LHFPL3: variants seen among roughly 807,000 people sequenced by gnomAD.
LHFPL3 encodes the protein LHFPL tetraspan subfamily member 3 protein.
LHFPL3 carries 5 observed loss-of-function variants against 19.3 expected under a neutral mutation model. The observed-to-expected ratio is 0.26, with a 90% CI of 0.14 to 0.54. The LOEUF (loss-of-function observed/expected upper bound fraction) is 0.54. Ranked by LOEUF, LHFPL3 falls within the 20% of genes least tolerant of loss-of-function variation. LHFPL3 has a pLI of 0.94. For synonymous variants in LHFPL3, 133 were observed against 126.2 expected, an observed-to-expected ratio of 1.05 and a Z score of -0.36; for missense variants, 249 against 307.4, an observed-to-expected ratio of 0.81 and a Z score of 1.42.
At chr7:104,859,611 G>A (rs573753122) in intron 2 of LHFPL3, among the ~76,000 whole-genome samples, 15 of 152,244 alleles carry the variant, frequency 9.9e-5, no homozygotes, top group African/African-American at 3.6e-4. Flanking sequence ...GGAGGTTTCG[G>A]TGAGCTGAGA....
chr7:104,481,968 C>T lies in LHFPL3; in HGVS notation c.445+152744C>T, dbSNP rs143204494. ...ATGCATCTAATTCCCCCTTCCACTC[C>T]GTGAGTGTTGCCTGCTAATGGCTCT... On this transcript the variant is annotated intron_variant, in intron 1 of 2. Coordinates refer to ENST00000424859, the MANE Select transcript of LHFPL3 (RefSeq NM_199000.3). Among the ~76,000 whole-genome samples the T allele has an allele frequency of 1.2e-4, 19 of 152,316 alleles. No homozygotes were observed. In the East Asian group the frequency reaches 1.5e-3, roughly 12 times the overall value.
intron 1 of LHFPL3, among the ~76,000 whole-genome samples, chr7:104,501,774 T>A (rs1286590931): frequency 1.3e-5 from 2 of 152,186 alleles, no homozygotes; most frequent in South Asian, 4.1e-4. Flanking sequence ...GATTCCAATT[T>A]GAAATAGGGT....
chr7:104,395,243 A>T (rs1219354860), intron 1 of LHFPL3, among the ~76,000 whole-genome samples: 1 of 152,194 alleles, frequency 6.6e-6, no homozygotes, highest in Admixed American at 6.5e-5. Flanking sequence ...ACATGTAAAA[A>T]ATTAAATCTA....
intron 1 of LHFPL3, among the ~76,000 whole-genome samples, chr7:104,717,594 A>G (rs1394171484): frequency 6.6e-6 from 1 of 152,178 alleles, no homozygotes; most frequent in East Asian, 1.9e-4. Context: ...GCATTTTAAA[A>G]CTACAGTAAG....
chr7:104,820,300 A>G (rs10256308), intron 2 of LHFPL3, among the ~76,000 whole-genome samples: 26,451 of 152,162 alleles, frequency 0.17, 2,628 homozygotes, highest in East Asian at 0.46. Context: ...CCATGGCTCC[A>G]GATTAAAGTG....
chr7:104,350,755 T>C (rs1433992030), intron 1 of LHFPL3, among the ~76,000 whole-genome samples: 3 of 152,264 alleles, frequency 2.0e-5, no homozygotes, highest in Admixed American at 1.3e-4. Context: ...AAAAGGTCTC[T>C]TTGGCCGAGC....
intron 2 of LHFPL3, among the ~76,000 whole-genome samples, chr7:104,778,357 T>TATC (rs1353722776): frequency 6.6e-6 from 1 of 152,090 alleles, no homozygotes; most frequent in Non-Finnish European, 1.5e-5. Context: ...ATCAGTTGAC[T>TATC]ATCAGAATGG....
chr7:104,828,647 A>AGGAGTGGGGTGAAAACTCCTCCCATGCC (rs1452865717), intron 2 of LHFPL3, among the ~76,000 whole-genome samples: 1 of 152,000 alleles, frequency 6.6e-6, no homozygotes, highest in African/African-American at 2.4e-5. Flanking sequence ...CTTCAACCTC[A>AGGAGTGGGGTGAAAACTCCTCCCATGCC]GGAGTGGGGT....
Position 104,518,151 on chromosome 7 carries a change from T to C in LHFPL3, c.445+188927T>C, listed in dbSNP as rs80200170. Among the ~76,000 whole-genome samples, 623 of 152,304 alleles carry C rather than the reference T, an allele frequency of 4.1e-3. 13 individuals carry two copies. The highest frequency in any genetic ancestry group is 0.027 in the Admixed American group (407 of 15,290). ...AACCACTAGTAACACTAAACCACTT[T>C]GATAATTTATCAAAATTTATAATTT... On this transcript the variant is annotated intron_variant, in intron 1 of 2. Transcript: ENST00000424859.
chr7:104,414,551 CAATT>C (rs1791587073), intron 1 of LHFPL3, among the ~76,000 whole-genome samples: 2 of 152,152 alleles, frequency 1.3e-5, no homozygotes, highest in Non-Finnish European at 2.9e-5. Flanking sequence ...TTTGTGCAAT[CAATT>C]AGATTGTTCT....
chr7:104,664,214 G>T (rs1484978042), intron 1 of LHFPL3, among the ~76,000 whole-genome samples: 2 of 152,044 alleles, frequency 1.3e-5, no homozygotes, highest in East Asian at 3.9e-4. Context: ...CCATTAAAAA[G>T]ATAACCCAAA....
At chr7:104,747,574 T>A (rs1794072335) in intron 2 of LHFPL3, among the ~76,000 whole-genome samples, 1 of 152,212 alleles carries the variant, frequency 6.6e-6, no homozygotes, top group Non-Finnish European at 1.5e-5. Flanking sequence ...AAGCCAAGTG[T>A]CAAGCAAATA....
chr7:104,590,133 G>T (rs1790678295), intron 1 of LHFPL3, among the ~76,000 whole-genome samples: 1 of 152,070 alleles, frequency 6.6e-6, no homozygotes, highest in Non-Finnish European at 1.5e-5. Context: ...TCTCATCTTA[G>T]TTATTTCTTG....
chr7:104,820,746 C>T (rs188257552), intron 2 of LHFPL3, among the ~76,000 whole-genome samples: 2 of 152,028 alleles, frequency 1.3e-5, no homozygotes, highest in Non-Finnish European at 2.9e-5. Flanking sequence ...ACCTTAACCA[C>T]CCCCCCAGAC....
At chr7:104,861,211 T>G (rs1791613473) in intron 2 of LHFPL3, among the ~76,000 whole-genome samples, 1 of 152,136 alleles carries the variant, frequency 6.6e-6, no homozygotes, top group Non-Finnish European at 1.5e-5. Context: ...TTAAAGACAG[T>G]TTCAAAAACA....
intron 2 of LHFPL3, among the ~76,000 whole-genome samples, chr7:104,813,089 A>G (rs956531657): frequency 6.6e-6 from 1 of 151,940 alleles, no homozygotes; most frequent in African/African-American, 2.4e-5. Flanking sequence ...ACTCCAGGCT[A>G]GGCAACAGAG....
At chr7:104,847,778 C>T (rs1791339082) in intron 2 of LHFPL3, among the ~76,000 whole-genome samples, 1 of 152,266 alleles carries the variant, frequency 6.6e-6, no homozygotes, top group African/African-American at 2.4e-5. Flanking sequence ...TCCCAAAGTG[C>T]TGGGATTACA....
rs1290708052 is a variant in LHFPL3 at position 104,831,773 on chromosome 7, A to G, written c.683-74414A>G. Among the ~76,000 whole-genome samples, 10 of 143,318 alleles carry G rather than the reference A, an allele frequency of 7.0e-5. No homozygotes were observed. In the Admixed American group the frequency reaches 7.3e-4, roughly 11 times the overall value. 94.0% of individuals were successfully genotyped at this position (143,318 alleles called of 152,430 possible). On this transcript the variant is annotated intron_variant, in intron 2 of 2. Transcript: ENST00000424859. ...CCATATAACACATGTGTAATTGTAG[A>G]TAGTGTTGTTTTTGGAGCTAGACCT...
At chr7:104,838,277 A>C (rs115081154) in intron 2 of LHFPL3, among the ~76,000 whole-genome samples, 3,033 of 152,282 alleles carry the variant, frequency 0.02, 120 homozygotes, top group African/African-American at 0.066. Context: ...GGAAATGGCT[A>C]GTTCTGTGCA....
Sources: gnomAD v4.1 joint callset for allele counts (sites outside exome capture counted in the v4.1 genomes callset) on GRCh38, gnomAD v4.1.1 for gene constraint, MANE v1.5 for transcripts, NCBI Gene and HGNC (gene_info 2026-07-23, HGNC 2026-07-21) for gene names.